The following SKP2 variants were observed in gnomAD, a reference collection of about 807,000 sequenced individuals.
SKP2 encodes the protein S-phase kinase associated protein 2.
Under a neutral mutation model 51.8 loss-of-function variants are expected in SKP2, and 16 were observed. That is an observed-to-expected ratio of 0.31 (90% CI 0.21 to 0.47). SKP2 has a LOEUF of 0.47. Ranked by LOEUF, SKP2 falls within the 20% of genes least tolerant of loss-of-function variation. The pLI is 1.00. For missense variants in SKP2, 377 were observed against 505.3 expected, an observed-to-expected ratio of 0.75 and a Z score of 2.43; for synonymous variants, 176 against 198.6, an observed-to-expected ratio of 0.89 and a Z score of 0.96.
At chr5:36,175,948 TAAAA>T (rs1008960771) in intron 7 of SKP2, among the ~76,000 whole-genome samples, 1 of 148,660 alleles carries the variant, frequency 6.7e-6, no homozygotes, top group Non-Finnish European at 1.5e-5. Context: ...CTGAATTCTT[TAAAA>T]AAAAAAGAAA....
downstream of SKP2, among the ~76,000 whole-genome samples, chr5:36,185,850 G>A (rs1333157638): frequency 6.6e-6 from 1 of 152,126 alleles, no homozygotes; most frequent in Admixed American, 6.5e-5. Flanking sequence ...AGGCAGTATG[G>A]CCATTTTCAC....
chr5:36,154,726 G>A (rs1052589505), intron 2 of SKP2, among the ~76,000 whole-genome samples: 1 of 151,944 alleles, frequency 6.6e-6, no homozygotes, highest in South Asian at 2.1e-4. Flanking sequence ...TGGAGGTTGC[G>A]GGGGCGTTCT....
intron 6 of SKP2, among the ~76,000 whole-genome samples, chr5:36,170,690 T>TGTA (rs1228161167): frequency 1.3e-5 from 2 of 150,582 alleles, no homozygotes; most frequent in African/African-American, 5.0e-5. Flanking sequence ...ATAAGGGAAG[T>TGTA]GTAGTAGTGT....
At chr5:36,190,834 C>A (rs1746007654) in intron 6 of SKP2, among the ~76,000 whole-genome samples, 1 of 152,078 alleles carries the variant, frequency 6.6e-6, no homozygotes, top group African/African-American at 2.4e-5. Flanking sequence ...CCCATAATAT[C>A]ATAACTATTT....
At position 36,177,268 on chromosome 5, in the gene SKP2, A is replaced by C. The variant is rs755010517; in HGVS notation, c.1037A>C (p.Tyr346Ser). The change falls in exon 9 of 10, where the codon TAT becomes TCT. Residue 346 changes from tyrosine to serine, a missense_variant. This residue lies in a region of SKP2 where 262 missense variants were observed against 389.8 expected (regional missense o/e 0.67). Coordinates refer to ENST00000274255, the MANE Select transcript of SKP2 (RefSeq NM_005983.4). ...YLQHLSLSRCYDIIPETLLEL... is the reference protein window; with the variant it reads ...YLQHLSLSRCSDIIPETLLEL... ...CAACACCTATCACTCAGTCGGTGCT[A>C]TGATATAATACCTGAAACTTTACTG... 6.2e-7 allele frequency: 1 copy of C among 1,607,396 alleles called. No homozygotes were observed.
downstream of SKP2, among the ~76,000 whole-genome samples, chr5:36,187,349 T>C (rs1357064066): frequency 5.9e-5 from 9 of 152,244 alleles, no homozygotes; most frequent in Non-Finnish European, 5.9e-5. Context: ...TCTAGATCTT[T>C]CCTGCTTTCT....
intron 9 of SKP2, chr5:36,180,280 T>G (rs1745764193): frequency 7.4e-7 from 1 of 1,342,674 alleles, no homozygotes; most frequent in Non-Finnish European, 9.9e-7. Flanking sequence ...GGAGCTGGAT[T>G]GCTGTCATCG....
Position 36,166,516 on chromosome 5 carries a change from T to C in SKP2, c.393-3T>C, listed in dbSNP as rs747133850. The C allele has an allele frequency of 1.6e-5, 26 of 1,613,618 alleles. No homozygotes were observed. Among genetic ancestry groups the C allele is most frequent in the Non-Finnish European group, 2.0e-5 (24 of 1,179,756 alleles). On this transcript the variant is annotated splice_polypyrimidine_tract_variant and splice_region_variant and intron_variant, in intron 3 of 9. Transcript: ENST00000274255. Reference sequence around the variant, plus strand: ...GCCAAATTAAGTATCTCCTCTTTTATAGGTCTGATGAGTCTCTATGGCAGA... The same window carrying C: ...GCCAAATTAAGTATCTCCTCTTTTACAGGTCTGATGAGTCTCTATGGCAGA...
intron 7 of SKP2, among the ~76,000 whole-genome samples, chr5:36,172,434 T>C (rs1389812383): frequency 6.6e-6 from 1 of 152,206 alleles, no homozygotes; most frequent in Non-Finnish European, 1.5e-5. Context: ...TGTATGTTAA[T>C]GAGAAAATCT....
At chr5:36,158,732 G>A (rs1283537807) in intron 2 of SKP2, among the ~76,000 whole-genome samples, 1 of 152,176 alleles carries the variant, frequency 6.6e-6, no homozygotes, top group Non-Finnish European at 1.5e-5. Context: ...GATGGAAAGG[G>A]CATGATTTGA....
At chr5:36,164,084 G>A (rs1007331054) in intron 3 of SKP2, among the ~76,000 whole-genome samples, 1 of 152,154 alleles carries the variant, frequency 6.6e-6, no homozygotes, top group Admixed American at 6.5e-5. Context: ...TCCTCACGCC[G>A]CTGGGCTGAG....
At chr5:36,155,314 A>T (rs1425782191) in intron 2 of SKP2, 1 of 152,276 alleles carries the variant, frequency 6.6e-6, no homozygotes, top group East Asian at 1.9e-4. Context: ...CAGGAATTGG[A>T]TTAGTTAGAA....
rs1745840351 is a variant in SKP2, at chr5:36,182,420, A to G, written c.*389A>G. The G allele has an allele frequency of 1.3e-5, 13 of 1,000,656 alleles. No homozygotes were observed. In the South Asian group the frequency reaches 5.2e-4, roughly 40 times the overall value. The allele number at this position is 1,000,656 out of a possible 1,614,324, so 62.0% of individuals were successfully genotyped here. A position where few individuals can be genotyped will look rare whatever the true frequency, so the allele number is the denominator to read the frequency against. On this transcript the variant is annotated 3_prime_UTR_variant, in exon 10 of 10. Transcript: ENST00000274255. Reference sequence around the variant, plus strand: ...AGCCCATATAACTTTTATCTATTTAATTTTATAGTATTGCTTTATAAGACA... The same window carrying G: ...AGCCCATATAACTTTTATCTATTTAGTTTTATAGTATTGCTTTATAAGACA...
chr5:36,171,463 G>T (rs1745470033), intron 6 of SKP2, 140 bp from the exon 7 acceptor site: 2 of 793,866 alleles, frequency 2.5e-6, no homozygotes, highest in Non-Finnish European at 4.1e-6. Flanking sequence ...ACTAAAGGTA[G>T]CTACTGTTAG....
chr5:36,181,437 G>T lies in SKP2; in HGVS notation c.1062-381G>T, dbSNP rs189767546. On this transcript the variant is annotated intron_variant, in intron 9 of 9. Coordinates refer to ENST00000274255, the MANE Select transcript of SKP2 (RefSeq NM_005983.4). ...ACCTGTGGTGGTTCCAACTGGTGCCGCAGTAAAACATTTGCTTTTACCATC... is the reference window on the plus strand; with the variant it reads ...ACCTGTGGTGGTTCCAACTGGTGCCTCAGTAAAACATTTGCTTTTACCATC... 5.9e-5 allele frequency among the ~76,000 whole-genome samples: 9 copies of T among 152,254 alleles called. No individual in the cohort carries two copies. In the East Asian group the frequency reaches 1.5e-3, roughly 26 times the overall value.
In SKP2 at chr5:36,166,084, C is replaced by A. The variant is rs549528568; in HGVS notation, c.393-435C>A. On this transcript the variant is annotated intron_variant, in intron 3 of 9. Coordinates refer to ENST00000274255, the MANE Select transcript of SKP2 (RefSeq NM_005983.4). The stretch of plus-strand genomic sequence containing the variant: ...TAACTTTCGTTCCTTTAGTAATTTT[C>A]CATGTTGCTACAGTAATCATAATTG... Among the ~76,000 whole-genome samples the A allele has an allele frequency of 1.1e-4, 16 of 152,294 alleles. No individual in the cohort carries two copies. The South Asian group carries it at 3.3e-3, about 32-fold the overall frequency.
chr5:36,187,559 A>T (rs1745967959), downstream of SKP2, among the ~76,000 whole-genome samples: 1 of 152,210 alleles, frequency 6.6e-6, no homozygotes, highest in Non-Finnish European at 1.5e-5. Flanking sequence ...TGAGTTTCTT[A>T]ATCCTGAGTT....
chr5:36,157,242 G>A (rs575621778), intron 2 of SKP2, among the ~76,000 whole-genome samples: 38 of 152,242 alleles, frequency 2.5e-4, no homozygotes, highest in Middle Eastern at 3.4e-3. Context: ...TAGAGGTTGG[G>A]ACTACAATAC....
chr5:36,184,447 T>C (rs754185811), downstream of SKP2: 2 of 152,250 alleles, frequency 1.3e-5, no homozygotes, highest in African/African-American at 4.8e-5. Context: ...GTGTGTGATG[T>C]TCCCCTTCCT....
Sources: gnomAD v4.1 joint callset for allele counts (sites outside exome capture counted in the v4.1 genomes callset) on GRCh38, gnomAD v4.1.1 for gene constraint, gnomAD v4.1.1 regional missense constraint, MANE v1.5 for transcripts, NCBI Gene and HGNC (gene_info 2026-07-23, HGNC 2026-07-21) for gene names.